Variants in EPHA6 observed in about 807,000 individuals in gnomAD.
The protein encoded by EPHA6 is EPH receptor A6, also known as ephrin type-A receptor 6.
EPHA6 carries 50 observed loss-of-function variants against 112.0 expected under a neutral mutation model. That is an observed-to-expected ratio of 0.45 (90% CI 0.36 to 0.56). The LOEUF (loss-of-function observed/expected upper bound fraction) is 0.56, where lower values mean the gene tolerates loss of function less well. EPHA6 is among the 20% of genes least tolerant of loss of function. The probability of loss-of-function intolerance (pLI) is 0.00; values close to 1 mark genes in which losing one functional copy is unlikely to be tolerated. For synonymous variants in EPHA6, 529 were observed against 490.7 expected (o/e 1.08, Z -1.03); for missense variants, 1,280 against 1,417.4 (o/e 0.90, Z 1.56).
intron 5 of EPHA6, among the ~76,000 whole-genome samples, chr3:97,253,329 G>T (rs577536160): frequency 6.6e-6 from 1 of 152,226 alleles, no homozygotes; most frequent in South Asian, 2.1e-4. Flanking sequence ...AAAGCTTTTA[G>T]TAATGAAAGA....
chr3:97,263,560 T>C (rs2079571238), intron 5 of EPHA6, among the ~76,000 whole-genome samples: 1 of 151,500 alleles, frequency 6.6e-6, no homozygotes, highest in Non-Finnish European at 1.5e-5. Context: ...TATAATAATA[T>C]AAGCAAGGTG....
intron 5 of EPHA6, among the ~76,000 whole-genome samples, chr3:97,356,840 C>T (rs545356880): frequency 6.6e-6 from 1 of 152,020 alleles, no homozygotes; most frequent in South Asian, 2.1e-4. Flanking sequence ...TCCTTACTTG[C>T]CTTTGGTGTG....
At chr3:97,678,949 C>A (rs2031633257) in intron 14 of EPHA6, among the ~76,000 whole-genome samples, 2 of 152,270 alleles carry the variant, frequency 1.3e-5, no homozygotes, top group South Asian at 4.1e-4. Flanking sequence ...GAAACTCTAT[C>A]TTTTAATAAA....
Position 97,455,327 on chromosome 3 carries a change from T to C in EPHA6, c.1894+6597T>C, listed in dbSNP as rs148132822. 1.9e-3 allele frequency among the ~76,000 whole-genome samples: 287 copies of C among 152,136 alleles called. 1 individual carries two copies. Among genetic ancestry groups the C allele is most frequent in the African/African-American group, 6.6e-3 (276 of 41,554 alleles). ...AAACATGTATAGCCTTTGCAGAAGA[T>C]ACTATTATGCCAATTTTACAGATCA... is the stretch of plus-strand genomic sequence containing the variant. On this transcript the variant is annotated intron_variant, in intron 7 of 17. Transcript: ENST00000389672.
chr3:97,287,092 TA>T (rs760818009), intron 5 of EPHA6, among the ~76,000 whole-genome samples: 28 of 152,230 alleles, frequency 1.8e-4, no homozygotes, highest in Non-Finnish European at 3.7e-4. Flanking sequence ...ATGTTGATTT[TA>T]TATCCTGCAA....
intron 6 of EPHA6, among the ~76,000 whole-genome samples, chr3:97,429,605 C>T (rs546878128): frequency 6.6e-6 from 1 of 152,072 alleles, no homozygotes; most frequent in East Asian, 1.9e-4. Context: ...TTTCTTTTCA[C>T]CTATAGCATA....
At chr3:97,514,153 CAGGGTGTTGGCAG>C (rs2092409861) in intron 10 of EPHA6, among the ~76,000 whole-genome samples, 1 of 152,150 alleles carries the variant, frequency 6.6e-6, no homozygotes, top group Non-Finnish European at 1.5e-5. Context: ...TGGCTAAAAT[CAGGGTGTTGGCAG>C]AACTGATATC....
At chr3:97,155,273 C>T (rs964165055) in intron 3 of EPHA6, among the ~76,000 whole-genome samples, 23 of 121,472 alleles carry the variant, frequency 1.9e-4, no homozygotes, top group Middle Eastern at 4.4e-3. Flanking sequence ...CAGACCAAAA[C>T]CCCTCAAAAA....
At chr3:97,425,789 G>C (rs1046890419) in intron 6 of EPHA6, among the ~76,000 whole-genome samples, 1 of 152,006 alleles carries the variant, frequency 6.6e-6, no homozygotes, top group Admixed American at 6.6e-5. Context: ...GCTTCCTCTT[G>C]AACACTTTAC....
At chr3:97,367,508 C>T (rs749602046) in intron 5 of EPHA6, among the ~76,000 whole-genome samples, 1 of 152,190 alleles carries the variant, frequency 6.6e-6, no homozygotes, top group East Asian at 1.9e-4. Context: ...TTTTGCCTAA[C>T]TGCTTACTCC....
chr3:97,119,490 A>AG (rs2047983923), intron 3 of EPHA6, among the ~76,000 whole-genome samples: 1 of 152,046 alleles, frequency 6.6e-6, no homozygotes, highest in African/African-American at 2.4e-5. Flanking sequence ...AGCTGAGCAC[A>AG]GACCAGTCTC....
intron 2 of EPHA6, among the ~76,000 whole-genome samples, chr3:96,879,164 G>C (rs1049996168): frequency 2.0e-5 from 3 of 151,966 alleles, no homozygotes; most frequent in African/African-American, 7.2e-5. Flanking sequence ...GGGAAACTAT[G>C]AATGTTACTG....
chr3:97,000,488 T>G (rs1261347413), intron 3 of EPHA6, among the ~76,000 whole-genome samples: 11 of 151,736 alleles, frequency 7.2e-5, no homozygotes, highest in Non-Finnish European at 1.2e-4. Flanking sequence ...CACGTTACAG[T>G]CTAAGGTTTG....
chr3:97,442,089 C>T (rs2090157073), intron 6 of EPHA6, among the ~76,000 whole-genome samples: 1 of 152,076 alleles, frequency 6.6e-6, no homozygotes, highest in Non-Finnish European at 1.5e-5. Context: ...ATCAAGGCAA[C>T]TTAGAAACAA....
intron 12 of EPHA6, 109 bp from the exon 13 acceptor site, chr3:97,610,684 C>T (rs560877997): frequency 3.8e-5 from 31 of 820,688 alleles, no homozygotes; most frequent in South Asian, 3.4e-4. Flanking sequence ...AATGAAATTC[C>T]TATTAATAAA....
At chr3:97,494,371 T>A (rs6790692) in intron 10 of EPHA6, among the ~76,000 whole-genome samples, 93,660 of 152,098 alleles carry the variant, frequency 0.62, 34,786 homozygotes, top group East Asian at 0.84. Context: ...TCTCGTCTTT[T>A]CCTGATCTTG....
At chr3:96,872,675 G>C (rs1160884408) in intron 2 of EPHA6, among the ~76,000 whole-genome samples, 1 of 151,946 alleles carries the variant, frequency 6.6e-6, no homozygotes, top group Non-Finnish European at 1.5e-5. Context: ...TGCTTGCATG[G>C]TTTCTGAGGA....
chr3:97,707,082 C>A (rs1419194322), intron 14 of EPHA6, among the ~76,000 whole-genome samples: 2 of 152,062 alleles, frequency 1.3e-5, no homozygotes, highest in Admixed American at 6.6e-5. Context: ...TCCCTGCTTT[C>A]TTTTTTTCCT....
chr3:97,625,137 G>A (rs2093844920), intron 13 of EPHA6, among the ~76,000 whole-genome samples: 1 of 151,494 alleles, frequency 6.6e-6, no homozygotes. Context: ...AAGGTAGGTT[G>A]TGGTTTGGAG....
Sources: allele counts gnomAD v4.1 joint callset (sites outside exome capture counted in the v4.1 genomes callset), GRCh38; gene constraint gnomAD v4.1.1; transcripts MANE v1.5; gene names NCBI Gene and HGNC (gene_info 2026-07-23, HGNC 2026-07-21).